The following NPAS3 variants were observed in gnomAD, a reference collection of about 807,000 sequenced individuals.
NPAS3 encodes neuronal PAS domain protein 3, also known as neuronal PAS domain-containing protein 3.
In NPAS3, 14 loss-of-function variants were observed where a neutral mutation model predicts 73.1. The ratio of observed to expected loss-of-function variants is 0.19; its 90% CI spans 0.13 to 0.30. The LOEUF is 0.30. Ranked by LOEUF, NPAS3 falls within the 10% of genes least tolerant of loss-of-function variation. The pLI, the probability that NPAS3 is intolerant of heterozygous loss-of-function variation, is 1.00. For missense variants in NPAS3, 1,096 were observed against 1,250.0 expected, an observed-to-expected ratio of 0.88 and a Z score of 1.86; for synonymous variants, 620 against 541.5, an observed-to-expected ratio of 1.14 and a Z score of -2.01.
chr14:33,680,461 G>GTTCCTT, intron 6 of NPAS3: 1 of 621,136 alleles, frequency 1.6e-6, no homozygotes, highest in Non-Finnish European at 2.8e-6. Context: ...TTCTGTTCCT[G>GTTCCTT]TTCCTGTGTA....
intron 5 of NPAS3, among the ~76,000 whole-genome samples, chr14:33,606,832 CAT>C (rs1259772830): frequency 1.3e-5 from 2 of 152,128 alleles, no homozygotes; most frequent in African/African-American, 4.8e-5. Flanking sequence ...ATTTGTAAAT[CAT>C]ATATCTGACA....
chr14:33,084,473 T>C (rs997074447), intron 2 of NPAS3, among the ~76,000 whole-genome samples: 2 of 152,202 alleles, frequency 1.3e-5, no homozygotes, highest in Non-Finnish European at 2.9e-5. Context: ...AGTTCAGGAA[T>C]GGGTTATGTT....
intron 3 of NPAS3, among the ~76,000 whole-genome samples, chr14:33,351,069 C>G (rs1309495503): frequency 1.3e-5 from 2 of 152,192 alleles, no homozygotes; most frequent in African/African-American, 2.4e-5. Context: ...CAGTGTTTGA[C>G]TGATATATAT....
chr14:32,967,719 G>T (rs1204024931), intron 1 of NPAS3, among the ~76,000 whole-genome samples: 1 of 149,516 alleles, frequency 6.7e-6, no homozygotes, highest in Admixed American at 6.6e-5. Flanking sequence ...AGAAAGGGGA[G>T]CTCTTATACA....
At chr14:33,096,731 C>T (rs1457901865) in intron 2 of NPAS3, among the ~76,000 whole-genome samples, 1 of 152,148 alleles carries the variant, frequency 6.6e-6, no homozygotes, top group African/African-American at 2.4e-5. Flanking sequence ...ATGAAGAATT[C>T]TTTCCGTTCC....
Position 33,671,415 on chromosome 14 carries a change from C to T in NPAS3, c.559-4796C>T, listed in dbSNP as rs985393661. 1.5e-4 allele frequency among the ~76,000 whole-genome samples: 23 copies of T among 152,260 alleles called. 1 individual carries two copies. Among genetic ancestry groups the T allele is most frequent in the Admixed American group, 9.1e-4 (14 of 15,302 alleles). On this transcript the variant is annotated intron_variant, in intron 5 of 11. Coordinates refer to ENST00000356141, the Ensembl canonical transcript of NPAS3. ...GGAAACTTCAGAGTTACCAAATCAG[C>T]TGTGTCTAGTGTGCAAATTACATGC...
At chr14:33,107,680 T>C (rs1338105776) in intron 2 of NPAS3, among the ~76,000 whole-genome samples, 1 of 152,176 alleles carries the variant, frequency 6.6e-6, no homozygotes, top group Non-Finnish European at 1.5e-5. Context: ...GGGTTGATTT[T>C]ATGTCTTTAA....
In NPAS3 at chr14:33,456,285, C is replaced by T. The variant is rs186408967; in HGVS notation, c.468+89017C>T. ...GTGATCTTTGAAATATCATAGGTGA[C>T]AATCAAGTTTGTTATAAAAATAGTA... is the stretch of plus-strand genomic sequence containing the variant. On this transcript the variant is annotated intron_variant, in intron 4 of 11. Coordinates refer to ENST00000356141, the Ensembl canonical transcript of NPAS3. Among the ~76,000 whole-genome samples, 25 of 152,242 alleles carry T rather than the reference C, an allele frequency of 1.6e-4. No homozygotes were observed. The East Asian group carries it at 3.9e-3, about 24-fold the overall frequency.
At chr14:33,066,179 C>T (rs1290377675) in intron 2 of NPAS3, among the ~76,000 whole-genome samples, 1 of 152,156 alleles carries the variant, frequency 6.6e-6, no homozygotes, top group Non-Finnish European at 1.5e-5. Context: ...TTCTCATCCC[C>T]TGGAGAAATT....
At chr14:32,938,662 C>G (rs1262576096), upstream of NPAS3, among the ~76,000 whole-genome samples, 1 of 151,324 alleles carries the variant, frequency 6.6e-6, no homozygotes, top group Non-Finnish European at 1.5e-5. Flanking sequence ...CCGGCCTAGA[C>G]CCCGCGCCCC....
chr14:33,067,291 A>G (rs983670977), intron 2 of NPAS3, among the ~76,000 whole-genome samples: 1 of 152,222 alleles, frequency 6.6e-6, no homozygotes, highest in Non-Finnish European at 1.5e-5. Flanking sequence ...ATGCCCATAG[A>G]AAAATTGAGG....
chr14:33,125,588 A>G (rs2043398231), intron 2 of NPAS3, among the ~76,000 whole-genome samples: 1 of 152,090 alleles, frequency 6.6e-6, no homozygotes, highest in South Asian at 2.1e-4. Flanking sequence ...GATTCCATAG[A>G]AATCCTTTTA....
Position 33,718,475 on chromosome 14 carries a change from T to G in NPAS3, c.734-16739T>G, listed in dbSNP as rs1360530284. On this transcript the variant is annotated intron_variant, in intron 6 of 11. Transcript: ENST00000356141. ...CTTATAGTCAGGTTCGTGACACCTA[T>G]CCATTTCTGAAATTTATCAGCCTAG... Among the ~76,000 whole-genome samples the G allele has an allele frequency of 5.9e-5, 9 of 152,206 alleles. No homozygotes were observed. The East Asian group carries it at 1.7e-3, about 29-fold the overall frequency.
intron 2 of NPAS3, among the ~76,000 whole-genome samples, chr14:33,163,835 G>T (rs564480932): frequency 1.3e-5 from 2 of 152,248 alleles, no homozygotes; most frequent in South Asian, 2.1e-4. Flanking sequence ...CTGGGAACTG[G>T]TACTAATTTC....
intron 2 of NPAS3, among the ~76,000 whole-genome samples, chr14:33,207,466 T>G (rs1326628933): frequency 6.6e-6 from 1 of 152,188 alleles, no homozygotes; most frequent in East Asian, 1.9e-4. Context: ...GTCCAAATTG[T>G]AAACCAGTGG....
At chr14:33,575,651 T>C (rs1361796598) in intron 5 of NPAS3, among the ~76,000 whole-genome samples, 1 of 152,234 alleles carries the variant, frequency 6.6e-6, no homozygotes, top group Non-Finnish European at 1.5e-5. Context: ...TTGTTTGCTT[T>C]GTTGTTTGGA....
At chr14:33,543,518 A>G (rs1457013809) in intron 4 of NPAS3, among the ~76,000 whole-genome samples, 2 of 152,116 alleles carry the variant, frequency 1.3e-5, no homozygotes, top group East Asian at 1.9e-4. Flanking sequence ...TTTGGGGGGC[A>G]TAGAAGAATT....
chr14:33,324,786 T>TTG (rs202156962), intron 3 of NPAS3, among the ~76,000 whole-genome samples: 53 of 152,090 alleles, frequency 3.5e-4, no homozygotes, highest in African/African-American at 1.1e-3. Context: ...ATACTTGTTT[T>TTG]TGTGTGTGTG....
chr14:33,223,033 C>T (rs1032142399), intron 3 of NPAS3, among the ~76,000 whole-genome samples: 4 of 152,032 alleles, frequency 2.6e-5, no homozygotes, highest in African/African-American at 9.7e-5. Context: ...AGAGGAGGCG[C>T]AGGTTAAAAA....
Sources: gnomAD v4.1 joint callset for allele counts (sites outside exome capture counted in the v4.1 genomes callset) on GRCh38, gnomAD v4.1.1 for gene constraint, MANE v1.5 for transcripts, NCBI Gene and HGNC (gene_info 2026-07-23, HGNC 2026-07-21) for gene names.